The following CD109 variants were observed in gnomAD, a reference collection of about 807,000 sequenced individuals.
CD109 encodes CD109 antigen.
A neutral mutation model predicts 165.8 loss-of-function variants in CD109; 149 were observed. The ratio of observed to expected loss-of-function variants is 0.90; its 90% CI spans 0.79 to 1.03. The LOEUF is 1.03. Among genes scored for constraint, CD109 ranks in the 50% least tolerant of loss-of-function variants. CD109 has a pLI of 0.00. For missense variants in CD109, 1,712 were observed against 1,677.8 expected (o/e 1.02, Z -0.36); for synonymous variants, 585 against 592.1 (o/e 0.99, Z 0.18).
intron 22 of CD109, among the ~76,000 whole-genome samples, chr6:73,791,344 T>C (rs572740977): frequency 2.6e-5 from 4 of 151,056 alleles, no homozygotes; most frequent in Non-Finnish European, 4.4e-5. Flanking sequence ...ACTACAGGCA[T>C]GCACCACTGT....
Position 73,811,123 on chromosome 6 carries a change from C to A in CD109, c.3678C>A (p.Asn1226Lys). The change falls in exon 28 of 33, where the codon AAC becomes AAA. Residue 1226 changes from asparagine to lysine, a missense_variant. Coordinates refer to ENST00000287097, the MANE Select transcript of CD109 (RefSeq NM_133493.5). ...TAAAGTTTCTGATTGACACACACAA[C>A]CGCTTACTCCTTCAGACAGCAGAGG... Reference protein sequence around the residue: ...SPVKFLIDTHNRLLLQTAELA... With the variant: ...SPVKFLIDTHKRLLLQTAELA... 6.2e-7 allele frequency: 1 copy of A among 1,613,128 alleles called. No individual in the cohort carries two copies. Among genetic ancestry groups the A allele is most frequent in the Non-Finnish European group, 8.5e-7 (1 of 1,179,460 alleles).
chr6:73,704,929 CTA>C (rs1214339860), intron 2 of CD109, among the ~76,000 whole-genome samples: 2 of 152,106 alleles, frequency 1.3e-5, no homozygotes, highest in African/African-American at 2.4e-5. Context: ...GTGCCTGGTA[CTA>C]TTATCTTTTA....
At chr6:73,701,565 TCCTCTC>T (rs1771081271) in intron 2 of CD109, among the ~76,000 whole-genome samples, 1 of 152,148 alleles carries the variant, frequency 6.6e-6, no homozygotes, top group Non-Finnish European at 1.5e-5. Context: ...TTGAGAACTG[TCCTCTC>T]ATCTGTTAAG....
intron 12 of CD109, 44 bp downstream of exon 12, chr6:73,766,904 A>C: frequency 1.2e-6 from 2 of 1,608,604 alleles, no homozygotes; most frequent in Non-Finnish European, 1.7e-6. Context: ...TAATTGGACT[A>C]TCTTGCTTTT....
In CD109 at chr6:73,810,071, C is replaced by T; in HGVS notation, c.3443C>T (p.Ala1148Val). The change falls in exon 27 of 33, where the codon GCA becomes GTA. Residue 1148 changes from alanine to valine, a missense_variant. Physicochemically the swap from Ala to Val is moderately conservative, Grantham distance 64. Coordinates refer to ENST00000287097, the MANE Select transcript of CD109 (RefSeq NM_133493.5). ...RSLDIEVAAY[A>V]LLSHFLQFQT... ...CTGGATATTGAAGTTGCAGCCTATG[C>T]ACTGCTCTCACACTTCTTACAATTT... 6.2e-7 allele frequency: 1 copy of T among 1,610,806 alleles called. No individual in the cohort carries two copies. The highest frequency in any genetic ancestry group is 8.5e-7 in the Non-Finnish European group (1 of 1,178,858).
At chr6:73,798,239 C>T (rs1051559643) in intron 23 of CD109, among the ~76,000 whole-genome samples, 15 of 151,894 alleles carry the variant, frequency 9.9e-5, no homozygotes, top group South Asian at 2.1e-4. Flanking sequence ...TTCAGCCTCC[C>T]GAGTAGCTGG....
chr6:73,810,822 T>C (rs911966132), intron 27 of CD109, among the ~76,000 whole-genome samples, 170 bp from the exon 28 acceptor site: 1 of 152,104 alleles, frequency 6.6e-6, no homozygotes, highest in Admixed American at 6.6e-5. Context: ...TCAGCAAACA[T>C]TTTCTGAGCC....
chr6:73,699,567 T>G (rs1206653119), intron 2 of CD109, among the ~76,000 whole-genome samples: 2 of 152,192 alleles, frequency 1.3e-5, no homozygotes, highest in Non-Finnish European at 1.5e-5. Flanking sequence ...CAACAAATAG[T>G]ACCTACATTG....
At chr6:73,736,642 AT>A in intron 5 of CD109, 134 bp downstream of exon 5, 2 of 719,874 alleles carry the variant, frequency 2.8e-6, no homozygotes, top group Non-Finnish European at 4.3e-6. Flanking sequence ...TAAACGGTTT[AT>A]TTTTAATTTA....
chr6:73,755,507 A>G (rs1773357157), intron 5 of CD109, among the ~76,000 whole-genome samples: 1 of 152,226 alleles, frequency 6.6e-6, no homozygotes, highest in Non-Finnish European at 1.5e-5. Flanking sequence ...AACCAAGGGT[A>G]CTTGTTAACA....
intron 5 of CD109, among the ~76,000 whole-genome samples, chr6:73,740,944 C>T (rs1772756576): frequency 6.6e-6 from 1 of 152,044 alleles, no homozygotes; most frequent in African/African-American, 2.4e-5. Context: ...CCCAATGTCC[C>T]ACAACTTACC....
upstream of CD109, chr6:73,694,244 T>C (rs532188571): frequency 2.0e-5 from 3 of 152,340 alleles, no homozygotes; most frequent in South Asian, 6.2e-4. Context: ...CATTTTTCAT[T>C]AATCCTTTTA....
At chr6:73,724,429 A>G (rs1396488206) in intron 3 of CD109, among the ~76,000 whole-genome samples, 2 of 152,128 alleles carry the variant, frequency 1.3e-5, no homozygotes, top group Non-Finnish European at 2.9e-5. Context: ...TTTCATTACT[A>G]TGCTTTGTTT....
chr6:73,746,632 T>C (rs1772993944), intron 5 of CD109, among the ~76,000 whole-genome samples: 1 of 152,196 alleles, frequency 6.6e-6, no homozygotes, highest in African/African-American at 2.4e-5. Flanking sequence ...TTGTCCCTTG[T>C]ACTGCATAAT....
At chr6:73,751,406 A>T (rs1338949773) in intron 5 of CD109, among the ~76,000 whole-genome samples, 2 of 152,076 alleles carry the variant, frequency 1.3e-5, no homozygotes, top group African/African-American at 4.8e-5. Flanking sequence ...GCTGCTGGGC[A>T]TCTAGATCAC....
At chr6:73,762,908 A>G (rs1773689709) in intron 9 of CD109, 26 bp downstream of exon 9, 1 of 1,580,974 alleles carries the variant, frequency 6.3e-7, no homozygotes, top group East Asian at 2.3e-5. Flanking sequence ...AGTGGAGGTA[A>G]AACTATTCAT....
upstream of CD109, chr6:73,695,973 C>T (rs1338451210): frequency 8.0e-6 from 4 of 502,642 alleles, no homozygotes; most frequent in Non-Finnish European, 1.4e-5. Flanking sequence ...GCTTTCTCAC[C>T]CCCTGGATTT....
intron 2 of CD109, among the ~76,000 whole-genome samples, chr6:73,708,172 C>T (rs755856232): frequency 2.1e-4 from 32 of 151,846 alleles, no homozygotes; most frequent in Non-Finnish European, 3.1e-4. Context: ...CGACAGGCCC[C>T]GGTGTGTGAT....
chr6:73,713,671 G>A (rs1192270549), intron 2 of CD109, among the ~76,000 whole-genome samples: 1 of 152,044 alleles, frequency 6.6e-6, no homozygotes, highest in Non-Finnish European at 1.5e-5. Context: ...ACTTCTCTCT[G>A]GTGAGAGAAT....
Sources: allele counts gnomAD v4.1 joint callset (sites outside exome capture counted in the v4.1 genomes callset), GRCh38; gene constraint gnomAD v4.1.1; transcripts MANE v1.5; gene names NCBI Gene and HGNC (gene_info 2026-07-23, HGNC 2026-07-21).